The following ANKRD12 variants were observed in gnomAD, a reference collection of about 807,000 sequenced individuals.
ANKRD12 encodes the protein ankyrin repeat domain 12, also known as ankyrin repeat domain-containing protein 12.
ANKRD12 carries 85 observed loss-of-function variants against 183.4 expected under a neutral mutation model. That is an observed-to-expected ratio of 0.46 (90% CI 0.39 to 0.56). The LOEUF (loss-of-function observed/expected upper bound fraction) is 0.56. Among genes scored for constraint, ANKRD12 ranks in the 20% least tolerant of loss-of-function variants. The pLI, the probability that ANKRD12 is intolerant of heterozygous loss-of-function variation, is 0.00. For synonymous variants in ANKRD12, 914 were observed against 800.2 expected, an observed-to-expected ratio of 1.14 and a Z score of -2.40; for missense variants, 2,405 against 2,357.1, an observed-to-expected ratio of 1.02 and a Z score of -0.42.
chr18:9,175,596 C>T (rs368292424), intron 1 of ANKRD12, among the ~76,000 whole-genome samples: 34 of 123,600 alleles, frequency 2.8e-4, no homozygotes, highest in East Asian at 2.5e-3. Context: ...GGCACTATCT[C>T]GGCTCACTGC....
At chr18:9,216,357 ATAAC>A (rs1368972169) in intron 6 of ANKRD12, among the ~76,000 whole-genome samples, 2 of 152,204 alleles carry the variant, frequency 1.3e-5, no homozygotes, top group African/African-American at 4.8e-5. Flanking sequence ...ATTTTGTTAA[ATAAC>A]AATTTTTCTC....
intron 1 of ANKRD12, among the ~76,000 whole-genome samples, chr18:9,143,295 A>T (rs79372355): frequency 2.0e-5 from 3 of 152,204 alleles, no homozygotes; most frequent in Admixed American, 1.3e-4. Flanking sequence ...AGTTATAAAA[A>T]TGTTAAGTCT....
chr18:9,257,275 A>T lies in ANKRD12; in HGVS notation c.4008A>T (p.Leu1336Phe). 1 of 1,614,180 alleles carries T rather than the reference A, an allele frequency of 6.2e-7. No homozygotes were observed. The highest frequency in any genetic ancestry group is 8.5e-7 in the Non-Finnish European group (1 of 1,179,994). Residue 1336 changes from leucine to phenylalanine, a missense_variant, in exon 9 of 13, where the codon TTA becomes TTT. By Grantham distance (22) the Leu-to-Phe change is conservative (BLOSUM62 0). Around this residue, in one of 7 missense-constraint regions of ANKRD12, gnomAD observed 1,983 missense variants for 1,725.9 expected, o/e 1.15. Transcript: ENST00000262126. ...ISEESNQGSL[L>F]TVPGDTSPSP... ...AAGAGAGCAATCAAGGTAGCTTATT[A>T]ACTGTGCCAGGAGATACTAGTCCTT...
intron 3 of ANKRD12, among the ~76,000 whole-genome samples, chr18:9,202,654 G>A (rs1200945981): frequency 1.3e-5 from 2 of 152,166 alleles, no homozygotes; most frequent in Admixed American, 1.3e-4. Context: ...AACATATGTG[G>A]GAGAGAGAAT....
At chr18:9,234,309 C>A (rs1251998301) in intron 8 of ANKRD12, among the ~76,000 whole-genome samples, 1 of 152,108 alleles carries the variant, frequency 6.6e-6, no homozygotes, top group Non-Finnish European at 1.5e-5. Context: ...ACATGTGAGC[C>A]CAGGCACAGA....
chr18:9,254,271 C>T lies in ANKRD12; in HGVS notation c.1004C>T (p.Thr335Ile). The change falls in exon 9 of 13, where the codon ACA (threonine) becomes ATA (isoleucine). Residue 335 changes from threonine to isoleucine, a missense_variant. Thr to Ile is a moderately conservative substitution (Grantham distance 89, BLOSUM62 -1). This residue lies in a region of ANKRD12 where 1,983 missense variants were observed against 1,725.9 expected (regional missense o/e 1.15). Coordinates refer to ENST00000262126, the MANE Select transcript of ANKRD12 (RefSeq NM_015208.5). ...SSVDENIDSE[T>I]EKDSLICESK... ...GTTGATGAAAATATTGACTCTGAAA[C>T]AGAGAAAGACTCTCTCATCTGTGAA... The T allele has an allele frequency of 6.2e-7, 1 of 1,606,608 alleles. No individual in the cohort carries two copies. The highest frequency in any genetic ancestry group is 8.5e-7 in the Non-Finnish European group (1 of 1,177,474).
chr18:9,215,426 A>G (rs1011868145), intron 6 of ANKRD12, among the ~76,000 whole-genome samples: 3 of 152,118 alleles, frequency 2.0e-5, no homozygotes, highest in Non-Finnish European at 4.4e-5. Context: ...TCCTGAAGTC[A>G]GGAAGTACTT....
At chr18:9,141,529 T>G (rs1231564672) in intron 1 of ANKRD12, among the ~76,000 whole-genome samples, 5 of 152,188 alleles carry the variant, frequency 3.3e-5, no homozygotes, top group Admixed American at 2.6e-4. Context: ...GAAACTTAAA[T>G]TCAAACATAA....
chr18:9,184,424 T>C (rs909923811), intron 2 of ANKRD12, among the ~76,000 whole-genome samples: 1 of 152,086 alleles, frequency 6.6e-6, no homozygotes, highest in Non-Finnish European at 1.5e-5. Context: ...AGAATTTTGC[T>C]CTCTTACCCA....
At chr18:9,226,191 A>G (rs543215027) in intron 8 of ANKRD12, among the ~76,000 whole-genome samples, 4 of 152,266 alleles carry the variant, frequency 2.6e-5, no homozygotes, top group African/African-American at 9.6e-5. Context: ...TGGGAGGCTG[A>G]GGTGGGTGGA....
In ANKRD12 at chr18:9,254,374, A is replaced by T. The variant is rs778484212; in HGVS notation, c.1107A>T (p.Glu369Asp). 3 of 1,609,560 alleles carry T rather than the reference A, an allele frequency of 1.9e-6. No individual in the cohort carries two copies. Among genetic ancestry groups the T allele is most frequent in the Non-Finnish European group, 2.5e-6 (3 of 1,178,430 alleles). ...DEYEFKDDDD[E>D]EINKMIDDRH... ...ATGAGTTCAAAGATGATGATGATGAAGAAATTAATAAGATGATTGATGATA... is the reference window on the plus strand; with the variant it reads ...ATGAGTTCAAAGATGATGATGATGATGAAATTAATAAGATGATTGATGATA... Residue 369 changes from glutamate (E) to aspartate (D), a missense_variant, in exon 9 of 13, where the codon GAA (glutamate) becomes GAT (aspartate). By Grantham distance (45) the Glu-to-Asp change is conservative. Transcript: ENST00000262126.
intron 1 of ANKRD12, among the ~76,000 whole-genome samples, chr18:9,181,969 G>GA (rs1241218359): frequency 1.3e-5 from 2 of 152,170 alleles, no homozygotes; most frequent in Non-Finnish European, 2.9e-5. Flanking sequence ...TTAATGTAGG[G>GA]AATTAGGTGT....
chr18:9,233,344 G>A (rs564050702), intron 8 of ANKRD12, among the ~76,000 whole-genome samples: 15 of 151,698 alleles, frequency 9.9e-5, no homozygotes, highest in African/African-American at 2.9e-4. Context: ...TCTTTGTATT[G>A]TCTTTGGAAT....
At chr18:9,243,900 C>A (rs764990994) in intron 8 of ANKRD12, among the ~76,000 whole-genome samples, 2 of 152,178 alleles carry the variant, frequency 1.3e-5, no homozygotes, top group African/African-American at 2.4e-5. Context: ...TTTGGGGAGG[C>A]TGAGGAGGGT....
intron 2 of ANKRD12, among the ~76,000 whole-genome samples, chr18:9,184,671 C>T (rs987547961): frequency 2.0e-5 from 3 of 152,038 alleles, no homozygotes; most frequent in Non-Finnish European, 4.4e-5. Context: ...ACACCCTGGC[C>T]GATGTTGCCA....
At chr18:9,268,664 C>T in intron 10 of ANKRD12, among the ~76,000 whole-genome samples, 1 of 152,132 alleles carries the variant, frequency 6.6e-6, no homozygotes, top group East Asian at 1.9e-4. Flanking sequence ...CAGCCAATAT[C>T]ATACTGAATG....
chr18:9,254,190 AT>A lies in ANKRD12; in HGVS notation c.944-17del. 2.0e-6 allele frequency: 3 copies of A among 1,477,304 alleles called. No homozygotes were observed. The highest frequency in any genetic ancestry group is 1.5e-5 in the South Asian group (1 of 66,736). 91.5% of individuals were successfully genotyped at this position (1,477,304 alleles called of 1,614,324 possible). On this transcript the variant is annotated intron_variant, in intron 8 of 12. Coordinates refer to ENST00000262126, the MANE Select transcript of ANKRD12 (RefSeq NM_015208.5). The stretch of plus-strand genomic sequence containing the variant: ...TTGTGTTTTGTTTGACCCACACCAC[AT>A]TTTCTTTTTTTTATTCTAGATTCCG...
intron 2 of ANKRD12, among the ~76,000 whole-genome samples, chr18:9,190,693 C>T (rs758637228): frequency 1.3e-5 from 2 of 152,184 alleles, no homozygotes; most frequent in Non-Finnish European, 2.9e-5. Context: ...AGGCAAGACC[C>T]TCCACCAGCA....
In ANKRD12 at chr18:9,185,542, A is replaced by C. The variant is rs2033990638; in HGVS notation, c.87+3023A>C. Reference sequence around the variant, plus strand: ...CTTGCTGAACTGAGTTGGCCCTGGGAACATTCAAGTAGAAATGTTTAGTAG... The same window carrying C: ...CTTGCTGAACTGAGTTGGCCCTGGGCACATTCAAGTAGAAATGTTTAGTAG... On this transcript the variant is annotated intron_variant, in intron 2 of 12. Transcript: ENST00000262126. Among the ~76,000 whole-genome samples, 3 of 152,204 alleles carry C rather than the reference A, an allele frequency of 2.0e-5. No individual in the cohort carries two copies. The South Asian group carries it at 6.2e-4, about 31-fold the overall frequency.
Sources: allele counts gnomAD v4.1 joint callset (sites outside exome capture counted in the v4.1 genomes callset), GRCh38; gene constraint gnomAD v4.1.1; regional missense constraint gnomAD v4.1.1; transcripts MANE v1.5; gene names NCBI Gene and HGNC (gene_info 2026-07-23, HGNC 2026-07-21).